R3HCC1L: variants seen among roughly 807,000 people sequenced by gnomAD.
R3HCC1L encodes coiled-coil domain-containing protein R3HCC1L.
R3HCC1L carries 51 observed loss-of-function variants against 59.9 expected under a neutral mutation model. That is an observed-to-expected ratio of 0.85 (90% CI 0.68 to 1.07). The LOEUF (loss-of-function observed/expected upper bound fraction) is 1.07, where lower values mean the gene tolerates loss of function less well. Among genes scored for constraint, R3HCC1L ranks in the 50% least tolerant of loss-of-function variants. The pLI is 0.00. For missense variants in R3HCC1L, 965 were observed against 933.0 expected (o/e 1.03, Z -0.45); for synonymous variants, 322 against 315.2 (o/e 1.02, Z -0.23).
At chr10:98,138,561 C>T (rs1448135257) in intron 1 of R3HCC1L, among the ~76,000 whole-genome samples, 2 of 151,996 alleles carry the variant, frequency 1.3e-5, no homozygotes, top group Non-Finnish European at 2.9e-5. Context: ...ACTTTTGTTC[C>T]TTGACTGTTT....
chr10:98,205,898 G>A (rs919512738), intron 4 of R3HCC1L, among the ~76,000 whole-genome samples: 2 of 152,118 alleles, frequency 1.3e-5, no homozygotes, highest in Non-Finnish European at 2.9e-5. Context: ...TCTAAATTCT[G>A]CTAGAGACAG....
At chr10:98,199,298 T>G (rs755943369) in intron 4 of R3HCC1L, among the ~76,000 whole-genome samples, 26 of 152,122 alleles carry the variant, frequency 1.7e-4, no homozygotes, top group Non-Finnish European at 3.1e-4. Context: ...AAAGAGTTTC[T>G]TTTGTCCTCT....
chr10:98,156,453 T>G (rs1451672631), intron 2 of R3HCC1L, among the ~76,000 whole-genome samples: 2 of 152,232 alleles, frequency 1.3e-5, no homozygotes, highest in Non-Finnish European at 2.9e-5. Context: ...GTGTTGGATA[T>G]CTTGTTTTCC....
intron 4 of R3HCC1L, among the ~76,000 whole-genome samples, chr10:98,189,141 T>G (rs1850555156): frequency 6.6e-6 from 1 of 152,208 alleles, no homozygotes; most frequent in South Asian, 2.1e-4. Flanking sequence ...TTGGACACTC[T>G]GGAATTTGCA....
rs1318464998 is a variant in R3HCC1L, at chr10:98,134,673, G to T, written c.-301G>T. On this transcript the variant is annotated 5_prime_UTR_variant, in exon 1 of 10. Transcript: ENST00000298999. ...GCGAGCGGAAGAGATAGAGCTTCGC[G>T]GAGACGGCGGAAGCGGAGAGCAACA... 1 of 152,276 alleles carries T rather than the reference G, an allele frequency of 6.6e-6. No individual in the cohort carries two copies. Among genetic ancestry groups the T allele is most frequent in the Non-Finnish European group, 1.5e-5 (1 of 68,098 alleles). 9.4% of individuals were successfully genotyped at this position (152,276 alleles called of 1,614,324 possible).
chr10:98,235,999 T>C, intron 8 of R3HCC1L, 25 bp from the exon 9 acceptor site: 1 of 1,606,992 alleles, frequency 6.2e-7, no homozygotes, highest in Non-Finnish European at 8.5e-7. Flanking sequence ...GACTCCTTCC[T>C]ACTCCCTTCC....
rs1564701282 is a variant in R3HCC1L at position 98,209,524 on chromosome 10, T to C, written c.1410T>C (p.Ala470=). ...GKLIESLSDC[A]SSLPIKKIAG... ...TGATAGAGAGCTTGTCAGATTGTGC[T>C]TCCTCCTTACCTATAAAAAAGATTG... is the stretch of plus-strand genomic sequence containing the variant. The change falls in exon 5 of 10, where the codon GCT becomes GCC. Residue 470 remains alanine, a synonymous_variant. Coordinates refer to ENST00000298999, the MANE Select transcript of R3HCC1L (RefSeq NM_001351015.2). The C allele has an allele frequency of 6.2e-7, 1 of 1,613,884 alleles. No individual in the cohort carries two copies. Among genetic ancestry groups the C allele is most frequent in the Non-Finnish European group, 8.5e-7 (1 of 1,179,958 alleles).
Position 98,179,409 on chromosome 10 carries a change from A to T in R3HCC1L, c.-15+16012A>T, listed in dbSNP as rs377631919. On this transcript the variant is annotated intron_variant, in intron 4 of 9. Coordinates refer to ENST00000298999, the MANE Select transcript of R3HCC1L (RefSeq NM_001351015.2). ...GAACCAGCCTTGCATCCCAGGGATG[A>T]AGCCAGCATGGTCTTGGTGGATAAG... Among the ~76,000 whole-genome samples, 5 of 152,182 alleles carry T rather than the reference A, an allele frequency of 3.3e-5. No individual in the cohort carries two copies. The South Asian group carries it at 1.0e-3, about 32-fold the overall frequency.
At chr10:98,213,466 T>C (rs182231705) in intron 5 of R3HCC1L, among the ~76,000 whole-genome samples, 18 of 152,244 alleles carry the variant, frequency 1.2e-4, no homozygotes, top group African/African-American at 3.4e-4. Context: ...CTGTATTTCA[T>C]TGCCTGATAA....
chr10:98,197,220 C>T (rs1297997092), intron 4 of R3HCC1L, among the ~76,000 whole-genome samples: 1 of 152,032 alleles, frequency 6.6e-6, no homozygotes, highest in Non-Finnish European at 1.5e-5. Context: ...CCCCCCTCCA[C>T]CCCTTCCTAT....
chr10:98,145,671 G>A (rs751859916), intron 1 of R3HCC1L, among the ~76,000 whole-genome samples: 9 of 152,164 alleles, frequency 5.9e-5, no homozygotes, highest in East Asian at 1.9e-4. Flanking sequence ...AACCATTCTC[G>A]CTGGGCGCGG....
At position 98,213,189 on chromosome 10, in the gene R3HCC1L, C is replaced by G. The variant is rs1015994691; in HGVS notation, c.1785+3290C>G. 2.0e-5 allele frequency among the ~76,000 whole-genome samples: 3 copies of G among 152,166 alleles called. No individual in the cohort carries two copies. In the East Asian group the frequency reaches 5.8e-4, roughly 29 times the overall value. ...AGGAAAGCCCTTCATATCCCAACCC[C>G]TCGAGGCCTCATAAATAGTTGGTAG... is the stretch of plus-strand genomic sequence containing the variant. On this transcript the variant is annotated intron_variant, in intron 5 of 9. Coordinates refer to ENST00000298999, the MANE Select transcript of R3HCC1L (RefSeq NM_001351015.2).
chr10:98,186,467 A>G (rs896682799), intron 4 of R3HCC1L: 87 of 966,844 alleles, frequency 9.0e-5, no homozygotes, highest in Non-Finnish European at 1.1e-4. Flanking sequence ...TTTTTTCCAG[A>G]TGGTTTTACT....
At chr10:98,159,085 G>A (rs924487622) in intron 2 of R3HCC1L, among the ~76,000 whole-genome samples, 3 of 152,178 alleles carry the variant, frequency 2.0e-5, no homozygotes, top group Admixed American at 2.0e-4. Context: ...TGGGATTACA[G>A]GTGTGAGCCA....
intron 1 of R3HCC1L, among the ~76,000 whole-genome samples, chr10:98,136,626 A>T (rs1321845205): frequency 6.6e-6 from 1 of 152,140 alleles, no homozygotes; most frequent in African/African-American, 2.4e-5. Context: ...GCCTGAGCTC[A>T]GGAGTTCAAG....
chr10:98,175,398 A>G (rs1848911416), intron 4 of R3HCC1L, among the ~76,000 whole-genome samples: 1 of 152,094 alleles, frequency 6.6e-6, no homozygotes, highest in Non-Finnish European at 1.5e-5. Flanking sequence ...CAGTTGTGTA[A>G]CTCCCACACA....
rs112832441 is a variant in R3HCC1L at position 98,244,779 on chromosome 10, G to T, written c.*621G>T. On this transcript the variant is annotated 3_prime_UTR_variant, in exon 10 of 10. Coordinates refer to ENST00000298999, the MANE Select transcript of R3HCC1L (RefSeq NM_001351015.2). ...ACCGCTCCAGCTGCACTGCAGCCAG[G>T]GGGGATACCAGCTTCATTCCTCAGA... 0.013 allele frequency: 2,032 copies of T among 152,418 alleles called. 53 individuals are homozygous for T. The highest frequency in any genetic ancestry group is 0.046 in the African/African-American group (1,901 of 41,554). The allele number at this position is 152,418 out of a possible 1,614,324, so 9.4% of individuals were successfully genotyped here.
chr10:98,230,078 G>A (rs1258372759), intron 5 of R3HCC1L, among the ~76,000 whole-genome samples: 1 of 152,136 alleles, frequency 6.6e-6, no homozygotes, highest in Non-Finnish European at 1.5e-5. Flanking sequence ...TTTGGTATCA[G>A]GATGATGCTG....
intron 4 of R3HCC1L, among the ~76,000 whole-genome samples, chr10:98,200,314 G>A (rs1851897747): frequency 6.6e-6 from 1 of 152,058 alleles, no homozygotes; most frequent in African/African-American, 2.4e-5. Context: ...CAGGATACAT[G>A]GTTGCAATAG....
Sources: allele counts gnomAD v4.1 joint callset (sites outside exome capture counted in the v4.1 genomes callset), GRCh38; gene constraint gnomAD v4.1.1; transcripts MANE v1.5; gene names NCBI Gene and HGNC (gene_info 2026-07-23, HGNC 2026-07-21).